The following PHRF1 variants were observed in gnomAD, a reference collection of about 807,000 sequenced individuals.
PHRF1 encodes PHD and RING finger domain-containing protein 1.
In PHRF1, 53 loss-of-function variants were observed where a neutral mutation model predicts 128.9. The ratio of observed to expected loss-of-function variants is 0.41; its 90% CI spans 0.33 to 0.52. The LOEUF (loss-of-function observed/expected upper bound fraction) is 0.52, where lower values mean the gene tolerates loss of function less well. Among genes scored for constraint, PHRF1 ranks in the 20% least tolerant of loss-of-function variants. The pLI is 0.21. For synonymous variants in PHRF1, 1,178 were observed against 980.6 expected, an observed-to-expected ratio of 1.20 and a Z score of -3.76; for missense variants, 2,503 against 2,284.5, an observed-to-expected ratio of 1.10 and a Z score of -1.95.
At chr11:590,112 G>T (rs1184001077) in intron 4 of PHRF1, among the ~76,000 whole-genome samples, 1 of 152,062 alleles carries the variant, frequency 6.6e-6, no homozygotes, top group Non-Finnish European at 1.5e-5. Flanking sequence ...GTGCAAACGG[G>T]CACGGAGCGT....
chr11:603,244 C>G (rs1464654362), intron 10 of PHRF1, among the ~76,000 whole-genome samples: 1 of 151,956 alleles, frequency 6.6e-6, no homozygotes, highest in Non-Finnish European at 1.5e-5. Flanking sequence ...TTCGTAGACA[C>G]AAGCGTTCGC....
At position 607,431 on chromosome 11, in the gene PHRF1, C is replaced by G. The variant is rs192557368; in HGVS notation, c.1975C>G (p.Arg659Gly). Reference protein sequence around the residue: ...ISSRDSKPPCRSVVPGPPLKP... With the variant: ...ISSRDSKPPCGSVVPGPPLKP... The stretch of plus-strand genomic sequence containing the variant: ...AAGCAGAGATTCTAAGCCCCCATGT[C>G]GCAGTGTGGTGCCGGGGCCTCCCCT... Residue 659 changes from arginine to glycine, a missense_variant, in exon 14 of 18, where the codon CGC (arginine) becomes GGC (glycine). Coordinates refer to ENST00000264555, the MANE Select transcript of PHRF1 (RefSeq NM_001286581.2). 6.2e-7 allele frequency: 1 copy of G among 1,612,720 alleles called. No homozygotes were observed. The highest frequency in any genetic ancestry group is 8.5e-7 in the Non-Finnish European group (1 of 1,179,892).
Position 608,612 on chromosome 11 carries a change from G to C in PHRF1, c.3156G>C (p.Arg1052=). 1 of 1,612,236 alleles carries C rather than the reference G, an allele frequency of 6.2e-7. No individual in the cohort carries two copies. Among genetic ancestry groups the C allele is most frequent in the Non-Finnish European group, 8.5e-7 (1 of 1,179,788 alleles). Residue 1052 remains arginine (R), a synonymous_variant, in exon 14 of 18, where the codon CGG becomes CGC. Coordinates refer to ENST00000264555, the MANE Select transcript of PHRF1 (RefSeq NM_001286581.2). ...PRRQRSKAKS[R]RSSSDRSSSR... ...GGCAGCGGTCCAAGGCCAAGAGCCG[G>C]CGGTCCTCCAGTGACCGCTCCAGCA...
chr11:588,475 G>A (rs1465181053), intron 4 of PHRF1, among the ~76,000 whole-genome samples: 1 of 151,996 alleles, frequency 6.6e-6, no homozygotes, highest in African/African-American at 2.4e-5. Flanking sequence ...CACCTTCCGG[G>A]TTCAAGCGAT....
chr11:580,585 C>G (rs1162398350), intron 1 of PHRF1, among the ~76,000 whole-genome samples: 2 of 152,194 alleles, frequency 1.3e-5, no homozygotes, highest in African/African-American at 4.8e-5. Context: ...GGAGAGCACC[C>G]TACGTGTCAC....
intron 11 of PHRF1, 118 bp downstream of exon 11, chr11:605,418 C>T: frequency 6.8e-7 from 1 of 1,477,972 alleles, no homozygotes; most frequent in South Asian, 1.3e-5. Context: ...GTGAGGGTGG[C>T]CATTCCTCCC....
At chr11:606,306 CCAGGGCTGTGGGGGAGG>C in intron 12 of PHRF1, 119 bp from the exon 13 acceptor site, 2 of 1,182,266 alleles carry the variant, frequency 1.7e-6, no homozygotes, top group Non-Finnish European at 2.3e-6. Context: ...GCAGCCGGAG[CCAGGGCTGTGGGGGAGG>C]CGCAGGCCCG....
chr11:590,320 A>G (rs939089838), intron 4 of PHRF1, among the ~76,000 whole-genome samples: 7 of 152,236 alleles, frequency 4.6e-5, no homozygotes, highest in Admixed American at 4.6e-4. Flanking sequence ...AGACACGTCC[A>G]TCGATGTTCA....
Position 608,743 on chromosome 11 carries a change from C to G in PHRF1, c.3287C>G (p.Pro1096Arg). ...RRTSRSRSGS[P>R]GSSSYEHYES... ...ACGTCCCGGTCGCGGTCGGGGAGCC[C>G]TGGCAGCTCTTCCTATGAGCACTAT... Residue 1096 changes from proline to arginine, a missense_variant, in exon 14 of 18, where the codon CCT becomes CGT. Transcript: ENST00000264555. 1 of 1,611,522 alleles carries G rather than the reference C, an allele frequency of 6.2e-7. No individual in the cohort carries two copies. The highest frequency in any genetic ancestry group is 8.5e-7 in the Non-Finnish European group (1 of 1,179,532).
chr11:589,624 G>GCA (rs1437123536), intron 4 of PHRF1, among the ~76,000 whole-genome samples: 1 of 152,236 alleles, frequency 6.6e-6, no homozygotes, highest in African/African-American at 2.4e-5. Flanking sequence ...GCTGCTCACA[G>GCA]CACACACACG....
Position 608,776 on chromosome 11 carries a change from G to A in PHRF1, c.3320G>A (p.Arg1107Lys). 6.2e-7 allele frequency: 1 copy of A among 1,611,854 alleles called. No individual in the cohort carries two copies. Among genetic ancestry groups the A allele is most frequent in the Non-Finnish European group, 8.5e-7 (1 of 1,179,670 alleles). Reference protein sequence around the residue: ...GSSSYEHYESRKKKKRRSASR... With the variant: ...GSSSYEHYESKKKKKRRSASR... ...TCTTCCTATGAGCACTATGAGAGTAGGAAGAAGAAGAAAAGGAGATCAGCG... is the reference window on the plus strand; with the variant it reads ...TCTTCCTATGAGCACTATGAGAGTAAGAAGAAGAAGAAAAGGAGATCAGCG... The change falls in exon 14 of 18, where the codon AGG becomes AAG. Residue 1107 changes from arginine (R) to lysine (K), a missense_variant. By Grantham distance (26) the Arg-to-Lys change is conservative. Transcript: ENST00000264555.
rs1856068023 is a variant in PHRF1, at chr11:608,082, G to A, written c.2626G>A (p.Val876Met). 1 of 1,611,666 alleles carries A rather than the reference G, an allele frequency of 6.2e-7. No homozygotes were observed. Among genetic ancestry groups the A allele is most frequent in the East Asian group, 2.2e-5 (1 of 44,870 alleles). ...CCCGAAGGCCCAGACGGTGCAGGCT[G>A]TGCGCTGCGTCACCTCCTACACGGT... ...NSPKAQTVQA[V>M]RCVTSYTVES... Residue 876 changes from valine to methionine, a missense_variant, in exon 14 of 18, where the codon GTG becomes ATG. Transcript: ENST00000264555.
rs370929509 is a variant in PHRF1, at chr11:608,517, ACG to A, written c.3065_3066del (p.Arg1022LeufsTer2). On this transcript the variant is annotated frameshift_variant, in exon 14 of 18. Coordinates refer to ENST00000264555, the MANE Select transcript of PHRF1 (RefSeq NM_001286581.2). LOFTEE classifies it high-confidence loss of function. ...SREHGRTRSG[T>X]RSESRDRSSR... ...GGAGCACGGACGGACGCGCTCTGGG[ACG>A]CGCTCTGAATCCAGGGACAGGAGCT... The A allele has an allele frequency of 3.6e-4, 573 of 1,572,106 alleles. 4 individuals are homozygous for A. The African/African-American group carries it at 6.6e-3, about 18-fold the overall frequency.
chr11:598,264 C>T (rs1368635134), intron 8 of PHRF1, 109 bp from the exon 9 acceptor site: 2 of 1,394,204 alleles, frequency 1.4e-6, no homozygotes, highest in African/African-American at 2.9e-5. Flanking sequence ...GGAGGCTGTC[C>T]TGCTTCTCTG....
At chr11:577,366 G>C (rs1022505452) in intron 1 of PHRF1, among the ~76,000 whole-genome samples, 1 of 152,238 alleles carries the variant, frequency 6.6e-6, no homozygotes, top group Non-Finnish European at 1.5e-5. Flanking sequence ...GACAACAGCA[G>C]AACAGCAGTC....
At chr11:594,997 G>T (rs1855199179) in intron 6 of PHRF1, among the ~76,000 whole-genome samples, 1 of 152,116 alleles carries the variant, frequency 6.6e-6, no homozygotes, top group African/African-American at 2.4e-5. Context: ...GTTACAATTT[G>T]CAGTCTGCCA....
Position 608,664 on chromosome 11 carries a change from G to T in PHRF1, c.3208G>T (p.Ala1070Ser). Residue 1070 changes from alanine to serine, a missense_variant, in exon 14 of 18, where the codon GCC (alanine) becomes TCC (serine). Transcript: ENST00000264555. Reference sequence around the variant, plus strand: ...CCGAGAGCGAGCTAAGAGGAAGAAAGCCAAGGACAAGAGCAGGGAGCACAG... The same window carrying T: ...CCGAGAGCGAGCTAAGAGGAAGAAATCCAAGGACAAGAGCAGGGAGCACAG... ...SSRERAKRKKAKDKSREHRRG... is the reference protein window; with the variant it reads ...SSRERAKRKKSKDKSREHRRG... 1 of 1,612,430 alleles carries T rather than the reference G, an allele frequency of 6.2e-7. No homozygotes were observed. Among genetic ancestry groups the T allele is most frequent in the South Asian group, 1.1e-5 (1 of 91,062 alleles).
In PHRF1 at chr11:608,551, C is replaced by T; in HGVS notation, c.3095C>T (p.Ser1032Leu). Reference protein sequence around the residue: ...RSESRDRSSRSASPSVGEERP... With the variant: ...RSESRDRSSRLASPSVGEERP... ...GAATCCAGGGACAGGAGCTCGAGGTCAGCGTCACCATCAGTGGGTGAGGAG... is the reference window on the plus strand; with the variant it reads ...GAATCCAGGGACAGGAGCTCGAGGTTAGCGTCACCATCAGTGGGTGAGGAG... Residue 1032 changes from serine (S) to leucine (L), a missense_variant, in exon 14 of 18, where the codon TCA (serine) becomes TTA (leucine). Coordinates refer to ENST00000264555, the MANE Select transcript of PHRF1 (RefSeq NM_001286581.2). 6.2e-7 allele frequency: 1 copy of T among 1,612,322 alleles called. No individual in the cohort carries two copies. Among genetic ancestry groups the T allele is most frequent in the East Asian group, 2.2e-5 (1 of 44,866 alleles).
At position 611,000 on chromosome 11, in the gene PHRF1, A is replaced by G. The variant is rs757233456; in HGVS notation, c.4724A>G (p.Lys1575Arg). 6.2e-7 allele frequency: 1 copy of G among 1,613,510 alleles called. No homozygotes were observed. The highest frequency in any genetic ancestry group is 8.5e-7 in the Non-Finnish European group (1 of 1,179,786). ...HMQERAVEEV[K>R]LAIKPFYQKR... Reference sequence around the variant, plus strand: ...CAGGAGCGTGCTGTGGAGGAGGTGAAGCTGGCCATCAAGCCCTTCTACCAG... The same window carrying G: ...CAGGAGCGTGCTGTGGAGGAGGTGAGGCTGGCCATCAAGCCCTTCTACCAG... Residue 1575 changes from lysine (K) to arginine (R), a missense_variant, in exon 17 of 18, where the codon AAG becomes AGG. By Grantham distance (26) the Lys-to-Arg change is conservative (BLOSUM62 2). Coordinates refer to ENST00000264555, the MANE Select transcript of PHRF1 (RefSeq NM_001286581.2).
Sources: gnomAD v4.1 joint callset for allele counts (sites outside exome capture counted in the v4.1 genomes callset) on GRCh38, gnomAD v4.1.1 for gene constraint, MANE v1.5 for transcripts, NCBI Gene and HGNC (gene_info 2026-07-23, HGNC 2026-07-21) for gene names.